Variants in ATP5PB observed in about 807,000 individuals in gnomAD.
ATP5PB encodes ATP synthase peripheral stalk-membrane subunit b, also known as ATP synthase peripheral stalk subunit b, mitochondrial.
Under a neutral mutation model 34.5 loss-of-function variants are expected in ATP5PB, and 21 were observed. The ratio of observed to expected loss-of-function variants is 0.61; its 90% CI spans 0.43 to 0.88. The LOEUF (loss-of-function observed/expected upper bound fraction) is 0.88, where lower values mean the gene tolerates loss of function less well. Ranked by LOEUF, ATP5PB falls within the 40% of genes least tolerant of loss-of-function variation. ATP5PB has a pLI of 0.00. For synonymous variants in ATP5PB, 108 were observed against 114.1 expected (o/e 0.95, Z 0.34); for missense variants, 293 against 317.4 (o/e 0.92, Z 0.58).
intron 2 of ATP5PB, among the ~76,000 whole-genome samples, chr1:111,453,493 T>TTA (rs1571375689): frequency 1.3e-5 from 2 of 152,118 alleles, no homozygotes; most frequent in Admixed American, 6.5e-5. Flanking sequence ...TACATGTGTG[T>TTA]TATCTTACAT....
chr1:111,456,524 G>T, intron 4 of ATP5PB, 106 bp from the exon 5 acceptor site: 1 of 1,391,384 alleles, frequency 7.2e-7, no homozygotes, highest in East Asian at 2.6e-5. Context: ...TTCTTTGTGG[G>T]TGTTTTTACA....
intron 5 of ATP5PB, among the ~76,000 whole-genome samples, chr1:111,458,787 T>G (rs1490132563): frequency 6.6e-6 from 1 of 152,204 alleles, no homozygotes; most frequent in Non-Finnish European, 1.5e-5. Context: ...TTATGTAGCC[T>G]TACTGCCTGT....
At chr1:111,453,832 A>G (rs1332979336) in intron 2 of ATP5PB, among the ~76,000 whole-genome samples, 3 of 152,240 alleles carry the variant, frequency 2.0e-5, no homozygotes, top group African/African-American at 7.2e-5. Context: ...TGAGATTACA[A>G]AAGCTTAAGT....
At chr1:111,460,124 A>G (rs1452479511) in intron 6 of ATP5PB, among the ~76,000 whole-genome samples, 1 of 152,202 alleles carries the variant, frequency 6.6e-6, no homozygotes, top group Non-Finnish European at 1.5e-5. Flanking sequence ...TGATTGCAGT[A>G]TTGCACTCCA....
intron 5 of ATP5PB, among the ~76,000 whole-genome samples, chr1:111,457,774 C>G (rs1055605642): frequency 6.6e-6 from 1 of 152,120 alleles, no homozygotes; most frequent in Admixed American, 6.5e-5. Context: ...TTATTTTAAA[C>G]AAGATCCCTA....
At position 111,449,521 on chromosome 1, in the gene ATP5PB, C is replaced by G. The variant is rs3209756; in HGVS notation, c.-21C>G. 5,603 of 1,614,036 alleles carry G rather than the reference C, an allele frequency of 3.5e-3. 173 individuals are homozygous for G. In the African/African-American group the frequency reaches 0.066, roughly 19 times the overall value. ...CGGGGTCACAGGGACGCTAAGATTGCTACCTGGACTTTCGTTGACCATGCT... is the reference window on the plus strand; with the variant it reads ...CGGGGTCACAGGGACGCTAAGATTGGTACCTGGACTTTCGTTGACCATGCT... On this transcript the variant is annotated 5_prime_UTR_variant, in exon 1 of 7. Coordinates refer to ENST00000369722, the MANE Select transcript of ATP5PB (RefSeq NM_001688.5).
chr1:111,453,625 T>C (rs1327428188), intron 2 of ATP5PB, among the ~76,000 whole-genome samples: 3 of 152,198 alleles, frequency 2.0e-5, no homozygotes, highest in African/African-American at 4.8e-5. Context: ...ATATAGTGTT[T>C]AGCACTCTCA....
chr1:111,458,949 GT>G (rs1331842828), intron 5 of ATP5PB, among the ~76,000 whole-genome samples: 1 of 152,162 alleles, frequency 6.6e-6, no homozygotes, highest in Admixed American at 6.5e-5. Flanking sequence ...ACACAAGAGT[GT>G]TTAGAGTGTA....
intron 2 of ATP5PB, among the ~76,000 whole-genome samples, chr1:111,451,093 A>T (rs1272866951): frequency 6.6e-6 from 1 of 152,144 alleles, no homozygotes; most frequent in Non-Finnish European, 1.5e-5. Context: ...GCCCATTCTC[A>T]TAATAGCCAG....
intron 4 of ATP5PB, 38 bp downstream of exon 4, chr1:111,456,287 C>A: frequency 6.6e-7 from 1 of 1,521,454 alleles, no homozygotes; most frequent in Non-Finnish European, 8.8e-7. Context: ...TTTAGACTAG[C>A]AGAAACATGA....
rs1653653590 is a variant in ATP5PB, at chr1:111,462,582, T to C, written c.*1588T>C. 6.6e-6 allele frequency: 1 copy of C among 152,248 alleles called. No individual in the cohort carries two copies. Among genetic ancestry groups the C allele is most frequent in the Non-Finnish European group, 1.5e-5 (1 of 68,046 alleles). The allele number at this position is 152,248 out of a possible 1,614,324, so 9.4% of individuals were successfully genotyped here. On this transcript the variant is annotated 3_prime_UTR_variant, in exon 7 of 7. Coordinates refer to ENST00000369722, the MANE Select transcript of ATP5PB (RefSeq NM_001688.5). ...GACAAATTACGCAATAGGAAATATT[T>C]GAAAATATTTATCATGGGTAATTGC...
intron 6 of ATP5PB, 95 bp from the exon 7 acceptor site, chr1:111,460,822 C>A: frequency 1.0e-6 from 1 of 1,001,942 alleles, no homozygotes; most frequent in Non-Finnish European, 1.5e-6. Context: ...AGGTTCTGGT[C>A]TGGTAGGAGG....
At chr1:111,457,289 G>C (rs1475463233) in intron 5 of ATP5PB, among the ~76,000 whole-genome samples, 1 of 147,972 alleles carries the variant, frequency 6.8e-6, no homozygotes, top group African/African-American at 2.6e-5. Flanking sequence ...CTTCAGCCTA[G>C]GCAACAGAGC....
chr1:111,454,305 C>G lies in ATP5PB; in HGVS notation c.172C>G (p.Leu58Val). The G allele has an allele frequency of 6.2e-7, 1 of 1,612,670 alleles. No homozygotes were observed. The highest frequency in any genetic ancestry group is 8.5e-7 in the Non-Finnish European group (1 of 1,179,594). Residue 58 changes from leucine to valine, a missense_variant, in exon 3 of 7, where the codon CTG (leucine) becomes GTG (valine). By Grantham distance (32) the Leu-to-Val change is conservative. Coordinates refer to ENST00000369722, the MANE Select transcript of ATP5PB (RefSeq NM_001688.5). ...ATACGGAGGAAAAGTTCGTTATGGA[C>G]TGATCCCTGAGGAATTCTTCCAGTT... is the stretch of plus-strand genomic sequence containing the variant. ...PEYGGKVRYG[L>V]IPEEFFQFLY...
intron 2 of ATP5PB, among the ~76,000 whole-genome samples, chr1:111,452,001 C>T (rs1489895872): frequency 2.6e-5 from 4 of 151,936 alleles, no homozygotes; most frequent in Admixed American, 2.6e-4. Flanking sequence ...CACCTGTACT[C>T]CCAGCTATTG....
chr1:111,455,654 G>T (rs752039206), intron 3 of ATP5PB, among the ~76,000 whole-genome samples: 4 of 152,098 alleles, frequency 2.6e-5, no homozygotes, highest in East Asian at 1.9e-4. Context: ...CTTGTTTCTT[G>T]TGTAAATTTT....
chr1:111,459,530 G>C lies in ATP5PB; in HGVS notation c.587G>C (p.Arg196Pro). The C allele has an allele frequency of 1.9e-6, 3 of 1,613,860 alleles. No individual in the cohort carries two copies. Among genetic ancestry groups the C allele is most frequent in the Non-Finnish European group, 2.5e-6 (3 of 1,179,856 alleles). The change falls in exon 6 of 7, where the codon CGC becomes CCC. Residue 196 changes from arginine (R) to proline (P), a missense_variant. Physicochemically the swap from Arg to Pro is moderately radical, Grantham distance 103. Coordinates refer to ENST00000369722, the MANE Select transcript of ATP5PB (RefSeq NM_001688.5). ...LYRVYKEVKN[R>P]LDYHISVQNM... is the part of the protein sequence containing the mutation. ...AGAGTATATAAGGAAGTAAAGAATC[G>C]CCTGGACTATCATATATCTGTGCAG...
At chr1:111,455,992 T>C (rs1653461748) in intron 3 of ATP5PB, 94 bp from the exon 4 acceptor site, 1 of 1,113,116 alleles carries the variant, frequency 9.0e-7, no homozygotes, top group Admixed American at 2.8e-5. Context: ...AGTCATTACT[T>C]TGCCTTCAGC....
Position 111,449,580 on chromosome 1 carries a change from G to A in ATP5PB, c.39G>A (p.Ala13=). Residue 13 remains alanine, a splice_region_variant and synonymous_variant, in exon 1 of 7, where the codon GCG becomes GCA. Transcript: ENST00000369722. ...SRVVLSAAAT[A]APSLKNAAFL... ...TGGTACTTTCCGCCGCCGCCACAGC[G>A]GGTAAGGGGTATAGACCCTGCTCTG... 5 of 1,607,476 alleles carry A rather than the reference G, an allele frequency of 3.1e-6. No individual in the cohort carries two copies. The highest frequency in any genetic ancestry group is 4.2e-6 in the Non-Finnish European group (5 of 1,176,482).
Sources: gnomAD v4.1 joint callset for allele counts (sites outside exome capture counted in the v4.1 genomes callset) on GRCh38, gnomAD v4.1.1 for gene constraint, MANE v1.5 for transcripts, NCBI Gene and HGNC (gene_info 2026-07-23, HGNC 2026-07-21) for gene names.